NFASC: variants seen among roughly 807,000 people sequenced by gnomAD.
The protein encoded by NFASC is neurofascin, also known as neurofascin homolog.
A neutral mutation model predicts 147.5 loss-of-function variants in NFASC; 43 were observed. The observed-to-expected ratio is 0.29, with a 90% CI of 0.23 to 0.38. The LOEUF (loss-of-function observed/expected upper bound fraction) is 0.38, where lower values mean the gene tolerates loss of function less well. Among genes scored for constraint, NFASC ranks in the 10% least tolerant of loss-of-function variants. The pLI, the probability that NFASC is intolerant of heterozygous loss-of-function variation, is 1.00. For synonymous variants in NFASC, 622 were observed against 665.5 expected (o/e 0.93, Z 1.01); for missense variants, 1,320 against 1,689.0 (o/e 0.78, Z 3.83).
At chr1:204,906,419 A>G (rs186898858) in intron 1 of NFASC, among the ~76,000 whole-genome samples, 1 of 152,196 alleles carries the variant, frequency 6.6e-6, no homozygotes, top group Admixed American at 6.5e-5. Context: ...TTCTGTCTCT[A>G]GGGTTTGCAT....
chr1:204,964,444 A>C (rs1385140857), intron 8 of NFASC, among the ~76,000 whole-genome samples: 1 of 152,244 alleles, frequency 6.6e-6, no homozygotes, highest in Non-Finnish European at 1.5e-5. Flanking sequence ...TATAGGAAGA[A>C]AGTACCATAG....
In NFASC at chr1:205,000,996, C is replaced by T. The variant is rs1025401691; in HGVS notation, c.3020-174C>T. 5 of 640,278 alleles carry T rather than the reference C, an allele frequency of 7.8e-6. No homozygotes were observed. In the African/African-American group the frequency reaches 8.9e-5, roughly 11 times the overall value. The allele number at this position is 640,278 out of a possible 1,614,324, so 39.7% of individuals were successfully genotyped here. A position where few individuals can be genotyped will look rare whatever the true frequency, so the allele number is the denominator to read the frequency against. ...GCTGCAGCTTGGAGCTCTGTCAGGC[C>T]CTGTGCACAGCCATTTCTGACTCTC... On this transcript the variant is annotated intron_variant, in intron 25 of 29. Transcript: ENST00000339876.
chr1:204,937,105 C>T (rs1339926868), intron 2 of NFASC, among the ~76,000 whole-genome samples: 1 of 152,070 alleles, frequency 6.6e-6, no homozygotes, highest in African/African-American at 2.4e-5. Flanking sequence ...CTTGACCACT[C>T]GCTTCACTTT....
At chr1:204,886,348 T>A (rs1485623499) in intron 1 of NFASC, among the ~76,000 whole-genome samples, 1 of 152,246 alleles carries the variant, frequency 6.6e-6, no homozygotes, top group Non-Finnish European at 1.5e-5. Context: ...TTACATCTCA[T>A]TTTTGTAAAA....
intron 1 of NFASC, among the ~76,000 whole-genome samples, chr1:204,904,091 T>C (rs961424998): frequency 6.6e-6 from 1 of 152,152 alleles, no homozygotes; most frequent in African/African-American, 2.4e-5. Flanking sequence ...TTCGAGTTTT[T>C]CGTGTGTGTG....
chr1:204,944,755 T>G (rs1232975232), intron 3 of NFASC: 1 of 265,854 alleles, frequency 3.8e-6, no homozygotes, highest in Non-Finnish European at 7.0e-6. Flanking sequence ...TGGTCTTGAC[T>G]TGCCCATGAA....
chr1:204,852,860 G>A (rs2075819289), intron 1 of NFASC, among the ~76,000 whole-genome samples: 1 of 152,212 alleles, frequency 6.6e-6, no homozygotes. Context: ...TCAGTGACAT[G>A]AGAATTTTAA....
intron 8 of NFASC, among the ~76,000 whole-genome samples, chr1:204,960,278 G>A (rs2094603770): frequency 1.3e-5 from 2 of 152,182 alleles, no homozygotes; most frequent in South Asian, 4.1e-4. Flanking sequence ...AGTTGACAAT[G>A]GTATGTAATG....
intron 1 of NFASC, among the ~76,000 whole-genome samples, chr1:204,884,350 T>C (rs902972041): frequency 2.0e-5 from 3 of 152,214 alleles, no homozygotes; most frequent in Admixed American, 6.5e-5. Flanking sequence ...CTCTGGTTCT[T>C]CAATGGTCAG....
chr1:204,987,164 C>A lies in NFASC; in HGVS notation c.2471-254C>A. The A allele has an allele frequency of 1.9e-6, 1 of 529,974 alleles. No homozygotes were observed. The highest frequency in any genetic ancestry group is 3.4e-6 in the Non-Finnish European group (1 of 297,866). 32.8% of individuals were successfully genotyped at this position (529,974 alleles called of 1,614,324 possible). A position where few individuals can be genotyped will look rare whatever the true frequency, so the allele number is the denominator to read the frequency against. Reference sequence around the variant, plus strand: ...ATCCAGAGTAGTTGCTAGAAGAAAACCTGATTTACTTCTTCCTCTCTTAAA... The same window carrying A: ...ATCCAGAGTAGTTGCTAGAAGAAAAACTGATTTACTTCTTCCTCTCTTAAA... On this transcript the variant is annotated intron_variant, in intron 21 of 29. Transcript: ENST00000339876. The surrounding 1 kb of genome is among the most constrained non-coding windows in gnomAD (Gnocchi z 4.4).
At chr1:204,983,916 A>G in intron 21 of NFASC, 2 of 698,102 alleles carry the variant, frequency 2.9e-6, no homozygotes, top group Non-Finnish European at 5.2e-6. Context: ...CCCTGCCCTC[A>G]TGGAATGCCC....
At chr1:204,845,212 G>A (rs1473766710) in intron 1 of NFASC, among the ~76,000 whole-genome samples, 2 of 151,660 alleles carry the variant, frequency 1.3e-5, no homozygotes, top group African/African-American at 2.4e-5. Flanking sequence ...GTGTATGTCC[G>A]AGATGATGGT....
intron 1 of NFASC, among the ~76,000 whole-genome samples, chr1:204,833,411 G>A (rs1222892843): frequency 6.6e-6 from 1 of 152,152 alleles, no homozygotes; most frequent in Non-Finnish European, 1.5e-5. Flanking sequence ...TGACTTCAAA[G>A]CCTGTGCTCC....
intron 1 of NFASC, among the ~76,000 whole-genome samples, chr1:204,858,974 C>T (rs922579977): frequency 6.8e-6 from 1 of 147,704 alleles, no homozygotes; most frequent in African/African-American, 2.6e-5. Context: ...GTTGAATGCA[C>T]TGACTTTTTT....
chr1:204,950,301 C>T (rs1302300094), intron 3 of NFASC, among the ~76,000 whole-genome samples: 3 of 152,232 alleles, frequency 2.0e-5, no homozygotes, highest in Non-Finnish European at 4.4e-5. Context: ...AGTCTTTCTG[C>T]CCAACTCTGT....
intron 1 of NFASC, among the ~76,000 whole-genome samples, chr1:204,900,791 G>A (rs1182645699): frequency 6.6e-6 from 1 of 152,134 alleles, no homozygotes; most frequent in Non-Finnish European, 1.5e-5. Context: ...GGCAAGAATG[G>A]TAGCTTAGAC....
intron 22 of NFASC, among the ~76,000 whole-genome samples, chr1:204,988,335 T>G (rs1297544570): frequency 6.6e-6 from 1 of 152,212 alleles, no homozygotes; most frequent in Non-Finnish European, 1.5e-5. Flanking sequence ...AGTTTTGTCC[T>G]TGTTGAAAGG....
intron 1 of NFASC, among the ~76,000 whole-genome samples, chr1:204,868,122 G>A (rs1572209390): frequency 6.6e-6 from 1 of 152,390 alleles, no homozygotes; most frequent in East Asian, 1.9e-4. Context: ...ACCCAGGGAT[G>A]AGACTGGACC....
intron 1 of NFASC, among the ~76,000 whole-genome samples, chr1:204,853,010 C>T (rs189559935): frequency 2.0e-4 from 30 of 152,266 alleles, no homozygotes; most frequent in African/African-American, 7.0e-4. Context: ...TGTCAATAGA[C>T]AGTGTTCCCA....
Sources: allele counts gnomAD v4.1 joint callset (sites outside exome capture counted in the v4.1 genomes callset), GRCh38; gene constraint gnomAD v4.1.1; non-coding constraint Gnocchi (gnomAD v3.1); transcripts MANE v1.5; gene names NCBI Gene and HGNC (gene_info 2026-07-23, HGNC 2026-07-21).